SAMD5: variants seen among roughly 807,000 people sequenced by gnomAD.
The protein encoded by SAMD5 is sterile alpha motif domain-containing protein 5.
A neutral mutation model predicts 11.3 loss-of-function variants in SAMD5; 13 were observed. That is an observed-to-expected ratio of 1.15 (90% confidence interval 0.75 to 1.83). SAMD5 has a LOEUF of 1.83. SAMD5 is among the 40% of genes most tolerant of loss of function. SAMD5 has a pLI of 0.00. For synonymous variants in SAMD5, 129 were observed against 111.3 expected (o/e 1.16, Z -1.00); for missense variants, 255 against 239.1 (o/e 1.07, Z -0.44).
chr6:147,568,317 T>C lies in SAMD5; in HGVS notation c.*3861T>C. 1 of 985,344 alleles carries C rather than the reference T, an allele frequency of 1.0e-6. No individual in the cohort carries two copies. Among genetic ancestry groups the C allele is most frequent in the East Asian group, 1.1e-4 (1 of 8,818 alleles). The allele number at this position is 985,344 out of a possible 1,614,324, so 61.0% of individuals were successfully genotyped here. On this transcript the variant is annotated 3_prime_UTR_variant, in exon 2 of 2. Transcript: ENST00000367474. Reference sequence around the variant, plus strand: ...TTTTTCCCTTATAAGAGCCTGAGTATTGTAACAGGTCTCTTGCACAGGGGG... The same window carrying C: ...TTTTTCCCTTATAAGAGCCTGAGTACTGTAACAGGTCTCTTGCACAGGGGG...
At chr6:147,627,077 AGAG>A (rs1334370916) in intron 1 of SAMD5, among the ~76,000 whole-genome samples, 15 of 152,226 alleles carry the variant, frequency 9.9e-5, no homozygotes, top group Non-Finnish European at 4.4e-5. Flanking sequence ...ATTTACCTAA[AGAG>A]GAGAAGCTTT....
At chr6:147,725,954 G>A (rs1424210728) in intron 1 of SAMD5, among the ~76,000 whole-genome samples, 1 of 152,142 alleles carries the variant, frequency 6.6e-6, no homozygotes, top group Non-Finnish European at 1.5e-5. Context: ...AAACTGGATA[G>A]GAATATAAAA....
At chr6:147,707,476 C>T (rs960909589) in intron 1 of SAMD5, among the ~76,000 whole-genome samples, 2 of 152,054 alleles carry the variant, frequency 1.3e-5, no homozygotes, top group African/African-American at 4.8e-5. Context: ...CTCCTGAAAC[C>T]CTTCCCACAG....
At chr6:147,941,068 C>A in the SAMD5 span, among the ~76,000 whole-genome samples, 9 of 152,128 alleles carry the variant, frequency 5.9e-5, no homozygotes, top group Non-Finnish European at 1.2e-4. Flanking sequence ...TGAATGTTTA[C>A]TGATTGAAAC....
intron 1 of SAMD5, among the ~76,000 whole-genome samples, chr6:147,655,215 T>C (rs2128453766): frequency 6.6e-6 from 1 of 152,302 alleles, no homozygotes; most frequent in East Asian, 1.9e-4. Flanking sequence ...TCTTCTGATA[T>C]ACACACAGAA....
Position 147,565,990 on chromosome 6 carries a change from CA to C in SAMD5, c.*1537del, listed in dbSNP as rs1789034357. The C allele has an allele frequency of 1.0e-6, 1 of 985,208 alleles. No individual in the cohort carries two copies. Among genetic ancestry groups the C allele is most frequent in the Non-Finnish European group, 1.2e-6 (1 of 829,790 alleles). The allele number at this position is 985,208 out of a possible 1,614,324, so 61.0% of individuals were successfully genotyped here. A position where few individuals can be genotyped will look rare whatever the true frequency, so the allele number is the denominator to read the frequency against. Reference sequence around the variant, plus strand: ...CATGGTAAGAAGAATAAGAAACTCTCAAAGGAAAAGAAACTTACATTCACTT... The same window carrying C: ...CATGGTAAGAAGAATAAGAAACTCTCAAGGAAAAGAAACTTACATTCACTT... On this transcript the variant is annotated 3_prime_UTR_variant, in exon 2 of 2. Coordinates refer to ENST00000367474, the MANE Select transcript of SAMD5 (RefSeq NM_001030060.3).
the SAMD5 span, among the ~76,000 whole-genome samples, chr6:147,786,346 G>A: frequency 1.3e-5 from 2 of 152,222 alleles, no homozygotes; most frequent in African/African-American, 4.8e-5. Context: ...TCCATTGGAA[G>A]CTTGTTTTAT....
the SAMD5 span, among the ~76,000 whole-genome samples, chr6:147,797,144 C>T: frequency 3.9e-4 from 44 of 113,218 alleles, no homozygotes; most frequent in South Asian, 9.6e-4. Context: ...CTGTCTTGTG[C>T]CAGTTTTCAA....
chr6:147,559,868 C>T (rs1788920551), intron 1 of SAMD5, among the ~76,000 whole-genome samples: 1 of 152,172 alleles, frequency 6.6e-6, no homozygotes, highest in African/African-American at 2.4e-5. Context: ...ACATTGCATC[C>T]TTCAGCCTGT....
chr6:147,722,813 C>T (rs1791574218), intron 1 of SAMD5, among the ~76,000 whole-genome samples: 2 of 152,128 alleles, frequency 1.3e-5, no homozygotes, highest in South Asian at 2.1e-4. Context: ...GAAATGAACA[C>T]ACTTCTTGTT....
the SAMD5 span, among the ~76,000 whole-genome samples, chr6:147,842,705 G>A: frequency 3.3e-4 from 50 of 152,262 alleles, no homozygotes; most frequent in East Asian, 6.6e-3. Flanking sequence ...AAGCCCAGTA[G>A]TATTTGTAGT....
At chr6:147,530,338 G>A (rs1273599053) in intron 1 of SAMD5, among the ~76,000 whole-genome samples, 2 of 152,238 alleles carry the variant, frequency 1.3e-5, no homozygotes, top group African/African-American at 4.8e-5. Flanking sequence ...CCATGTGCAG[G>A]GACGTTTTAC....
the SAMD5 span, among the ~76,000 whole-genome samples, chr6:147,813,712 G>A: frequency 6.6e-6 from 1 of 152,172 alleles, no homozygotes; most frequent in Non-Finnish European, 1.5e-5. Flanking sequence ...TCTTCTTAAA[G>A]TAGCAATATG....
the SAMD5 span, among the ~76,000 whole-genome samples, chr6:147,767,965 G>A: frequency 2.0e-5 from 3 of 152,312 alleles, no homozygotes; most frequent in East Asian, 1.9e-4. Flanking sequence ...AACTGGCAGA[G>A]GAAGGTGGGC....
intron 1 of SAMD5, among the ~76,000 whole-genome samples, chr6:147,603,330 A>T (rs1377512552): frequency 2.0e-5 from 3 of 152,178 alleles, no homozygotes; most frequent in Non-Finnish European, 4.4e-5. Context: ...CTGAGCATGG[A>T]GGTATATATA....
chr6:147,588,330 T>G (rs1789404562), intron 1 of SAMD5, among the ~76,000 whole-genome samples: 1 of 107,646 alleles, frequency 9.3e-6, no homozygotes, highest in Non-Finnish European at 2.0e-5. Context: ...TTTTTTTTTT[T>G]TGAGACGGAG....
At chr6:147,560,097 C>T (rs1377219667) in intron 1 of SAMD5, among the ~76,000 whole-genome samples, 1 of 152,048 alleles carries the variant, frequency 6.6e-6, no homozygotes, top group African/African-American at 2.4e-5. Flanking sequence ...ATAGTAGGGA[C>T]GATTCAATCG....
chr6:147,653,716 A>G lies in SAMD5; in HGVS notation c.163-83601A>G, dbSNP rs187873151. Among the ~76,000 whole-genome samples the G allele has an allele frequency of 1.7e-3, 264 of 152,324 alleles. 3 individuals carry two copies. The highest frequency in any genetic ancestry group is 6.2e-3 in the African/African-American group (258 of 41,572). On this transcript the variant is annotated intron_variant, in intron 1 of 1. Transcript: ENST00000566741. ...AAAATTGTATTCCTTTCCATTATTT[A>G]CTGATATTCCATGCACTTCTTGGAC...
intron 1 of SAMD5, among the ~76,000 whole-genome samples, chr6:147,513,738 A>G (rs1788124487): frequency 1.3e-5 from 2 of 152,128 alleles, no homozygotes; most frequent in Admixed American, 6.5e-5. Flanking sequence ...GACAAGGGTA[A>G]GCAGAGGGTA....
Sources: allele counts gnomAD v4.1 joint callset (sites outside exome capture counted in the v4.1 genomes callset), GRCh38; gene constraint gnomAD v4.1.1; transcripts MANE v1.5; gene names NCBI Gene and HGNC (gene_info 2026-07-23, HGNC 2026-07-21).